The following TNS3 variants were observed in gnomAD, a reference collection of about 807,000 sequenced individuals.
TNS3 encodes tensin 3.
Under a neutral mutation model 140.9 loss-of-function variants are expected in TNS3, and 45 were observed. The ratio of observed to expected loss-of-function variants is 0.32; its 90% CI spans 0.25 to 0.41. The LOEUF is 0.41. Ranked by LOEUF, TNS3 falls within the 10% of genes least tolerant of loss-of-function variation. TNS3 has a pLI of 1.00. For synonymous variants in TNS3, 815 were observed against 788.4 expected, an observed-to-expected ratio of 1.03 and a Z score of -0.56; for missense variants, 1,716 against 1,906.7, an observed-to-expected ratio of 0.90 and a Z score of 1.86.
intron 1 of TNS3, among the ~76,000 whole-genome samples, chr7:47,533,638 A>C (rs1207463537): frequency 6.6e-6 from 1 of 152,052 alleles, no homozygotes. Flanking sequence ...ATATGGCTTG[A>C]CTGTGTCCCC....
intron 6 of TNS3, among the ~76,000 whole-genome samples, chr7:47,437,637 C>T (rs1225749743): frequency 1.3e-5 from 2 of 150,952 alleles, no homozygotes; most frequent in Non-Finnish European, 3.0e-5. Flanking sequence ...AGAACCCTTA[C>T]ACATAAAGTC....
chr7:47,385,918 A>G (rs1482785169), intron 16 of TNS3, among the ~76,000 whole-genome samples: 3 of 152,172 alleles, frequency 2.0e-5, no homozygotes, highest in African/African-American at 7.2e-5. Context: ...CCCACAATCA[A>G]TCAACACCAA....
In TNS3 at chr7:47,281,895, C is replaced by A. The variant is rs989195233; in HGVS notation, c.4098-1541G>T. ...ATGTCGCCAAGCTATGCCTCCAGAC[C>A]CTGAGTCCACCATGCAGCCTAGCCA... On this transcript the variant is annotated intron_variant, in intron 28 of 30. Coordinates refer to ENST00000311160, the MANE Select transcript of TNS3 (RefSeq NM_022748.12). 2.0e-5 allele frequency among the ~76,000 whole-genome samples: 3 copies of A among 151,692 alleles called. No individual in the cohort carries two copies. The South Asian group carries it at 6.3e-4, about 32-fold the overall frequency.
intron 3 of TNS3, among the ~76,000 whole-genome samples, chr7:47,493,188 T>C (rs1797876578): frequency 6.6e-6 from 1 of 152,106 alleles, no homozygotes; most frequent in Non-Finnish European, 1.5e-5. Context: ...TGGTCATCCG[T>C]AAAGAAAAGG....
rs374416124 is a variant in TNS3, at chr7:47,454,141, C to T, written c.-75-12086G>A. ...ATCAGTGGGCAGGGTGTTCTGGGGG[C>T]GCCCATTCCACTGGAAACCACGTGG... On this transcript the variant is annotated intron_variant, in intron 4 of 30. Coordinates refer to ENST00000311160, the MANE Select transcript of TNS3 (RefSeq NM_022748.12). 6.6e-5 allele frequency among the ~76,000 whole-genome samples: 10 copies of T among 152,168 alleles called. No individual in the cohort carries two copies. In the South Asian group the frequency reaches 1.0e-3, roughly 16 times the overall value.
chr7:47,532,219 G>A (rs1799433418), intron 1 of TNS3, among the ~76,000 whole-genome samples: 1 of 152,188 alleles, frequency 6.6e-6, no homozygotes, highest in South Asian at 2.1e-4. Flanking sequence ...CTGGGCAGAA[G>A]GGGGTGGGTC....
chr7:47,516,657 T>G (rs1195121900), intron 2 of TNS3, among the ~76,000 whole-genome samples: 2 of 152,198 alleles, frequency 1.3e-5, no homozygotes. Context: ...CATCTACACA[T>G]GCGGCAGCAC....
chr7:47,435,137 G>T, intron 8 of TNS3, 145 bp downstream of exon 8: 2 of 1,086,832 alleles, frequency 1.8e-6, no homozygotes, highest in Non-Finnish European at 2.5e-6. Context: ...TTAAGAGCAA[G>T]TAGGAAAACC....
intron 13 of TNS3, among the ~76,000 whole-genome samples, chr7:47,403,693 C>G (rs765947200): frequency 6.6e-6 from 1 of 152,228 alleles, no homozygotes; most frequent in Admixed American, 6.5e-5. Flanking sequence ...CGGAAAACCA[C>G]AGGATTTTCC....
Position 47,300,235 on chromosome 7 carries a change from C to T in TNS3, c.3544+1951G>A, listed in dbSNP as rs1010469615. Among the ~76,000 whole-genome samples the T allele has an allele frequency of 4.6e-5, 7 of 152,072 alleles. No individual in the cohort carries two copies. The South Asian group carries it at 1.5e-3, about 32-fold the overall frequency. On this transcript the variant is annotated intron_variant, in intron 23 of 30. Transcript: ENST00000311160. ...CTTCCGCTGTTTGGAGACTCTGACA[C>T]GGGCAGTAGAAGGTTCGTCTGCACA...
intron 7 of TNS3, among the ~76,000 whole-genome samples, chr7:47,435,983 A>T (rs1471884961): frequency 1.3e-5 from 2 of 152,214 alleles, no homozygotes; most frequent in African/African-American, 2.4e-5. Context: ...TGAGGCACAC[A>T]CAAGTCCACA....
intron 2 of TNS3, among the ~76,000 whole-genome samples, chr7:47,509,080 G>A (rs1002864168): frequency 2.6e-5 from 4 of 152,188 alleles, no homozygotes; most frequent in Non-Finnish European, 4.4e-5. Flanking sequence ...ACTAACTTTG[G>A]GGATCATTTG....
chr7:47,438,051 T>C (rs867059008), intron 6 of TNS3, among the ~76,000 whole-genome samples: 2 of 114,492 alleles, frequency 1.7e-5, no homozygotes, highest in Non-Finnish European at 3.5e-5. Context: ...ATAATAATAA[T>C]AATAATAATA....
At chr7:47,396,373 C>T (rs1792829402) in intron 16 of TNS3, among the ~76,000 whole-genome samples, 1 of 152,224 alleles carries the variant, frequency 6.6e-6, no homozygotes, top group African/African-American at 2.4e-5. Context: ...ACTAGACTAA[C>T]AAGCAAACAG....
At chr7:47,489,166 C>T (rs931388434) in intron 3 of TNS3, among the ~76,000 whole-genome samples, 5 of 152,136 alleles carry the variant, frequency 3.3e-5, no homozygotes, top group Non-Finnish European at 7.3e-5. Flanking sequence ...AAACACCCGC[C>T]CGGCAGACGC....
chr7:47,378,746 G>C (rs568530321), intron 16 of TNS3, among the ~76,000 whole-genome samples: 1 of 152,180 alleles, frequency 6.6e-6, no homozygotes, highest in Non-Finnish European at 1.5e-5. Flanking sequence ...AAGTTTCATG[G>C]GGGGAGGGCT....
chr7:47,530,071 A>T (rs1269074555), intron 1 of TNS3, among the ~76,000 whole-genome samples: 1 of 152,264 alleles, frequency 6.6e-6, no homozygotes, highest in South Asian at 2.1e-4. Flanking sequence ...TACACTAAAG[A>T]GAAATAAAAG....
In TNS3 at chr7:47,517,170, A is replaced by G. The variant is rs113204463; in HGVS notation, c.-152-10226T>C. ...CAGTGTCATGGGGTGTGCCAATTCT[A>G]TGGTCCTACTGGAGGCTGGCCAATG... On this transcript the variant is annotated intron_variant, in intron 2 of 30. Coordinates refer to ENST00000311160, the MANE Select transcript of TNS3 (RefSeq NM_022748.12). 9.9e-3 allele frequency among the ~76,000 whole-genome samples: 1,509 copies of G among 152,292 alleles called. 16 individuals carry two copies. The highest frequency in any genetic ancestry group is 0.034 in the African/African-American group (1,416 of 41,554).
intron 1 of TNS3, among the ~76,000 whole-genome samples, chr7:47,581,207 A>T (rs1784522877): frequency 6.6e-6 from 1 of 151,964 alleles, no homozygotes; most frequent in Admixed American, 6.5e-5. Flanking sequence ...CACAGCACCG[A>T]CACAGAGACC....
Sources: allele counts gnomAD v4.1 joint callset (sites outside exome capture counted in the v4.1 genomes callset), GRCh38; gene constraint gnomAD v4.1.1; transcripts MANE v1.5; gene names NCBI Gene and HGNC (gene_info 2026-07-23, HGNC 2026-07-21).